PDE7B: variants seen among roughly 807,000 people sequenced by gnomAD.
PDE7B encodes phosphodiesterase 7B.
In PDE7B, 29 loss-of-function variants were observed where a neutral mutation model predicts 56.2. That is an observed-to-expected ratio of 0.52 (90% CI 0.38 to 0.70). The LOEUF is 0.70. PDE7B is among the 30% of genes least tolerant of loss of function. The pLI, the probability that PDE7B is intolerant of heterozygous loss-of-function variation, is 0.00. For missense variants in PDE7B, 490 were observed against 565.0 expected (o/e 0.87, Z 1.35); for synonymous variants, 197 against 196.9 (o/e 1.00, Z 0.00).
At chr6:135,872,754 ATTTACT>A (rs1472467895) in intron 1 of PDE7B, among the ~76,000 whole-genome samples, 2 of 152,134 alleles carry the variant, frequency 1.3e-5, no homozygotes, top group African/African-American at 4.8e-5. Flanking sequence ...TTGTCTGAAA[ATTTACT>A]TTTCTGCCCA....
intron 11 of PDE7B, among the ~76,000 whole-genome samples, chr6:136,186,239 G>A (rs1779143104): frequency 6.6e-6 from 1 of 151,936 alleles, no homozygotes; most frequent in Non-Finnish European, 1.5e-5. Flanking sequence ...AACATAGCGA[G>A]ACCTCATCTC....
intron 2 of PDE7B, among the ~76,000 whole-genome samples, chr6:136,030,932 G>T (rs1449418834): frequency 6.6e-6 from 1 of 152,214 alleles, no homozygotes; most frequent in African/African-American, 2.4e-5. Flanking sequence ...TATATTTATT[G>T]CATGGGCTTA....
At chr6:136,072,232 G>T (rs990326122) in intron 2 of PDE7B, among the ~76,000 whole-genome samples, 1 of 152,162 alleles carries the variant, frequency 6.6e-6, no homozygotes, top group Non-Finnish European at 1.5e-5. Flanking sequence ...GCGGGGAGGC[G>T]AGGAGAGAGA....
intron 3 of PDE7B, among the ~76,000 whole-genome samples, chr6:136,128,531 G>C (rs1397361627): frequency 6.6e-6 from 1 of 151,912 alleles, no homozygotes; most frequent in Non-Finnish European, 1.5e-5. Context: ...TATTAGCTCT[G>C]GTTATTTTGT....
chr6:136,061,708 T>C (rs1583858553), intron 2 of PDE7B, among the ~76,000 whole-genome samples: 2 of 152,310 alleles, frequency 1.3e-5, no homozygotes, highest in East Asian at 3.9e-4. Context: ...ATTGAATCAA[T>C]GCTGGGCATA....
intron 9 of PDE7B, among the ~76,000 whole-genome samples, chr6:136,178,375 T>C (rs1230216033): frequency 1.3e-5 from 2 of 152,230 alleles, no homozygotes; most frequent in Non-Finnish European, 2.9e-5. Flanking sequence ...ACTTTTTATA[T>C]GTGAGGGAAA....
intron 2 of PDE7B, among the ~76,000 whole-genome samples, chr6:135,991,550 T>C (rs775040313): frequency 6.6e-6 from 1 of 152,234 alleles, no homozygotes; most frequent in Non-Finnish European, 1.5e-5. Context: ...TCCTGCTTGC[T>C]GATGGCTGAA....
intron 8 of PDE7B, among the ~76,000 whole-genome samples, chr6:136,157,062 A>T (rs1437991282): frequency 1.3e-5 from 2 of 152,180 alleles, no homozygotes; most frequent in Non-Finnish European, 2.9e-5. Flanking sequence ...CCTATTTTCC[A>T]CAGAAAGAAG....
chr6:136,124,340 A>T (rs1388095161), intron 3 of PDE7B, among the ~76,000 whole-genome samples: 1 of 152,208 alleles, frequency 6.6e-6, no homozygotes, highest in African/African-American at 2.4e-5. Context: ...TAAAAATTTT[A>T]AAAAGATGAA....
rs73565095 is a variant in PDE7B, at chr6:136,136,270, C to T, written c.167-11081C>T. Among the ~76,000 whole-genome samples, 15 of 152,074 alleles carry T rather than the reference C, an allele frequency of 9.9e-5. No individual in the cohort carries two copies. In the Middle Eastern group the frequency reaches 0.01, roughly 103 times the overall value. Reference sequence around the variant, plus strand: ...TTTCACCCTGCTTTCTCCAGAGTTCCGCATTCTTGAACTTAGATGAGAGCA... The same window carrying T: ...TTTCACCCTGCTTTCTCCAGAGTTCTGCATTCTTGAACTTAGATGAGAGCA... On this transcript the variant is annotated intron_variant, in intron 3 of 12. Transcript: ENST00000308191.
chr6:135,867,297 A>C (rs909108020), intron 1 of PDE7B, among the ~76,000 whole-genome samples: 1 of 152,178 alleles, frequency 6.6e-6, no homozygotes, highest in African/African-American at 2.4e-5. Flanking sequence ...GTTCCTTTTC[A>C]AAACAGAAAT....
intron 1 of PDE7B, among the ~76,000 whole-genome samples, chr6:135,866,051 G>T (rs951814219): frequency 6.6e-6 from 1 of 151,970 alleles, no homozygotes; most frequent in African/African-American, 2.4e-5. Context: ...ATCTTATTTT[G>T]TTTTCAATTT....
At chr6:136,065,591 A>G (rs567504080) in intron 2 of PDE7B, among the ~76,000 whole-genome samples, 2 of 152,282 alleles carry the variant, frequency 1.3e-5, no homozygotes, top group East Asian at 1.9e-4. Context: ...CACCCCTTCC[A>G]TATACCCTGA....
At chr6:136,050,292 A>G (rs1776601393) in intron 2 of PDE7B, among the ~76,000 whole-genome samples, 1 of 151,924 alleles carries the variant, frequency 6.6e-6, no homozygotes. Flanking sequence ...GTATACACAC[A>G]TTTTTCTTGT....
intron 1 of PDE7B, among the ~76,000 whole-genome samples, chr6:135,873,574 T>C (rs1362452836): frequency 1.3e-5 from 2 of 152,192 alleles, no homozygotes; most frequent in African/African-American, 2.4e-5. Flanking sequence ...TAGTAGAATT[T>C]ACTGAATATA....
intron 6 of PDE7B, 107 bp from the exon 7 acceptor site, chr6:136,153,968 T>A (rs1778565776): frequency 1.4e-6 from 1 of 696,654 alleles, no homozygotes; most frequent in South Asian, 1.7e-5. Flanking sequence ...TGCTGCACAT[T>A]TTGGAGGCAC....
Position 136,122,443 on chromosome 6 carries a change from G to GTA in PDE7B, c.166+13632_166+13633dup, listed in dbSNP as rs1777952795. Among the ~76,000 whole-genome samples the GTA allele has an allele frequency of 3.3e-5, 5 of 152,196 alleles. No homozygotes were observed. The South Asian group carries it at 1.0e-3, about 32-fold the overall frequency. On this transcript the variant is annotated intron_variant, in intron 3 of 12. Transcript: ENST00000308191. ...CAAAGAAAGAGTCAGTTTTTCCTGG[G>GTA]TATACAGTGAAAACACATTCCCTCT...
At chr6:135,981,705 A>C (rs938637426) in intron 2 of PDE7B, among the ~76,000 whole-genome samples, 5 of 151,060 alleles carry the variant, frequency 3.3e-5, no homozygotes, top group Non-Finnish European at 7.4e-5. Context: ...CTCCTACTAT[A>C]ACAATGCCTT....
chr6:135,964,824 A>G (rs1774963347), intron 2 of PDE7B, among the ~76,000 whole-genome samples: 1 of 152,198 alleles, frequency 6.6e-6, no homozygotes, highest in Non-Finnish European at 1.5e-5. Flanking sequence ...GACAGTAAAC[A>G]GTATAAAAAA....
Sources: allele counts gnomAD v4.1 joint callset (sites outside exome capture counted in the v4.1 genomes callset), GRCh38; gene constraint gnomAD v4.1.1; transcripts MANE v1.5; gene names NCBI Gene and HGNC (gene_info 2026-07-23, HGNC 2026-07-21).